The following CRYBG1 variants were observed in gnomAD, a reference collection of about 807,000 sequenced individuals.
CRYBG1 encodes crystallin beta-gamma domain containing 1.
In CRYBG1, 139 loss-of-function variants were observed where a neutral mutation model predicts 189.2. The ratio of observed to expected loss-of-function variants is 0.73; its 90% CI spans 0.64 to 0.85. CRYBG1 has a LOEUF of 0.85. CRYBG1 is among the 40% of genes least tolerant of loss of function. The pLI, the probability that CRYBG1 is intolerant of heterozygous loss-of-function variation, is 0.00. For missense variants in CRYBG1, 2,611 were observed against 2,675.8 expected (o/e 0.98, Z 0.53); for synonymous variants, 1,023 against 1,017.1 (o/e 1.01, Z -0.11).
chr6:106,423,755 G>C (rs951456502), intron 1 of CRYBG1, among the ~76,000 whole-genome samples: 7 of 117,292 alleles, frequency 6.0e-5, no homozygotes, highest in Non-Finnish European at 8.1e-5. Flanking sequence ...ACCAAAGCTA[G>C]AGTGCAATGG....
intron 1 of CRYBG1, among the ~76,000 whole-genome samples, chr6:106,410,099 G>A (rs1022494451): frequency 6.6e-6 from 1 of 152,036 alleles, no homozygotes; most frequent in African/African-American, 2.4e-5. Flanking sequence ...CTACAGAATG[G>A]GAGAAAATTT....
Position 106,527,296 on chromosome 6 carries a change from T to C in CRYBG1, c.4413-9T>C, listed in dbSNP as rs1188307994. On this transcript the variant is annotated splice_polypyrimidine_tract_variant and intron_variant, in intron 6 of 21. Transcript: ENST00000633556. ...ACTGACTAATGGTTTTGCTGTGTTTTATTGTTAGTTGGATTTTGTATGAGC... is the reference window on the plus strand; with the variant it reads ...ACTGACTAATGGTTTTGCTGTGTTTCATTGTTAGTTGGATTTTGTATGAGC... The C allele has an allele frequency of 1.2e-6, 2 of 1,608,942 alleles. No homozygotes were observed. The highest frequency in any genetic ancestry group is 2.7e-5 in the African/African-American group (2 of 74,646).
At chr6:106,455,490 TA>T (rs34376532) in intron 2 of CRYBG1, among the ~76,000 whole-genome samples, 116 of 144,798 alleles carry the variant, frequency 8.0e-4, no homozygotes, top group Admixed American at 9.6e-4. Context: ...AGTGTTTCTT[TA>T]AAAAAAAAAA....
chr6:106,373,252 A>G (rs1186753964), intron 1 of CRYBG1, among the ~76,000 whole-genome samples: 1 of 152,204 alleles, frequency 6.6e-6, no homozygotes, highest in Non-Finnish European at 1.5e-5. Context: ...AATGATTCTA[A>G]GAAGAATCTG....
chr6:106,525,416 C>A, intron 6 of CRYBG1, 30 bp downstream of exon 6: 1 of 1,551,926 alleles, frequency 6.4e-7, no homozygotes, highest in South Asian at 1.1e-5. Context: ...TTCCTGATGT[C>A]AAGTGTTTGA....
intron 1 of CRYBG1, among the ~76,000 whole-genome samples, chr6:106,370,423 A>G (rs1277868951): frequency 4.6e-5 from 7 of 152,190 alleles, no homozygotes; most frequent in African/African-American, 1.7e-4. Flanking sequence ...TAGTTGCTTT[A>G]CCAGTTGCTG....
intron 10 of CRYBG1, among the ~76,000 whole-genome samples, chr6:106,542,266 AGAT>A (rs1774149143): frequency 7.2e-6 from 1 of 139,304 alleles, no homozygotes; most frequent in African/African-American, 2.7e-5. Flanking sequence ...CTATCTTATC[AGAT>A]GCCATTATTT....
At chr6:106,517,440 A>T (rs1773463462) in intron 3 of CRYBG1, among the ~76,000 whole-genome samples, 1 of 140,818 alleles carries the variant, frequency 7.1e-6, no homozygotes. Flanking sequence ...ACACACACAC[A>T]TATATATACA....
chr6:106,455,612 TC>T (rs1214978883), intron 2 of CRYBG1, among the ~76,000 whole-genome samples: 2 of 152,204 alleles, frequency 1.3e-5, no homozygotes, highest in South Asian at 4.1e-4. Context: ...ATTTTAATCC[TC>T]CTTGAATTCT....
intron 1 of CRYBG1, among the ~76,000 whole-genome samples, chr6:106,391,950 TGTGTGTGTGTGTGTGTGTGTGC>T (rs1012381470): frequency 1.3e-4 from 17 of 126,030 alleles, no homozygotes; most frequent in African/African-American, 4.8e-4. Context: ...TGTGTGTGTG[TGTGTGTGTGTGTGTGTGTGTGC>T]GTGCGCGTTT....
At chr6:106,380,273 A>G (rs1770260351) in intron 1 of CRYBG1, among the ~76,000 whole-genome samples, 1 of 152,242 alleles carries the variant, frequency 6.6e-6, no homozygotes, top group Non-Finnish European at 1.5e-5. Context: ...AATTTCAAAT[A>G]TCTCTAGAGT....
At chr6:106,550,069 T>C (rs1264526467) in intron 13 of CRYBG1, among the ~76,000 whole-genome samples, 1 of 152,186 alleles carries the variant, frequency 6.6e-6, no homozygotes, top group East Asian at 1.9e-4. Context: ...TCATTTCCCA[T>C]TCAAAACAAA....
Position 106,520,735 on chromosome 6 carries a change from A to C in CRYBG1, c.3527A>C (p.His1176Pro), listed in dbSNP as rs754064957. ...ESQPEMSPAL[H>P]LMQNLDTKSK... ...CAGCCAGAAATGTCACCGGCTTTAC[A>C]TTTGATGCAGAACCTTGACACAAAA... Residue 1176 changes from histidine to proline, a missense_variant, in exon 4 of 22, where the codon CAT becomes CCT. Transcript: ENST00000633556. 1.2e-6 allele frequency: 2 copies of C among 1,614,050 alleles called. No individual in the cohort carries two copies. The highest frequency in any genetic ancestry group is 1.7e-6 in the Non-Finnish European group (2 of 1,180,034).
chr6:106,404,690 C>G (rs1184509390), intron 1 of CRYBG1, among the ~76,000 whole-genome samples: 1 of 152,110 alleles, frequency 6.6e-6, no homozygotes, highest in Admixed American at 6.5e-5. Flanking sequence ...CCTGGCTTAT[C>G]TCACTGGGAC....
rs1312701948 is a variant in CRYBG1, at chr6:106,544,699, T to C, written c.5166+2T>C. On this transcript the variant is annotated splice_donor_variant, in intron 12 of 21. Transcript: ENST00000633556. LOFTEE classifies it high-confidence loss of function. ...CAGTCTTTACGACCTATATTAGGTG[T>C]AAGTAAAGGACAAGCTAATGGCTAA... The C allele has an allele frequency of 6.2e-7, 1 of 1,612,988 alleles. No individual in the cohort carries two copies. The highest frequency in any genetic ancestry group is 1.1e-5 in the South Asian group (1 of 90,928).
At chr6:106,368,726 G>A (rs934525590) in intron 1 of CRYBG1, among the ~76,000 whole-genome samples, 1 of 152,090 alleles carries the variant, frequency 6.6e-6, no homozygotes, top group Admixed American at 6.6e-5. Context: ...CAGTGGAAGA[G>A]AAGCAATGAC....
intron 1 of CRYBG1, chr6:106,420,892 T>C (rs1160500228): frequency 6.6e-6 from 1 of 152,408 alleles, no homozygotes; most frequent in Non-Finnish European, 1.5e-5. Flanking sequence ...CTTCCATGTA[T>C]GGGTAGAGCC....
intron 1 of CRYBG1, among the ~76,000 whole-genome samples, chr6:106,370,896 A>G (rs1770012480): frequency 6.6e-6 from 1 of 152,162 alleles, no homozygotes; most frequent in Non-Finnish European, 1.5e-5. Flanking sequence ...AGACTGTCTG[A>G]TCCCTAGATT....
At chr6:106,414,163 T>A (rs1770980149) in intron 1 of CRYBG1, among the ~76,000 whole-genome samples, 1 of 152,250 alleles carries the variant, frequency 6.6e-6, no homozygotes, top group Non-Finnish European at 1.5e-5. Context: ...ACTTCAAAGA[T>A]TCCTGCTGTC....
Sources: gnomAD v4.1 joint callset for allele counts (sites outside exome capture counted in the v4.1 genomes callset) on GRCh38, gnomAD v4.1.1 for gene constraint, MANE v1.5 for transcripts, NCBI Gene and HGNC (gene_info 2026-07-23, HGNC 2026-07-21) for gene names.